The following RARA variants were observed in gnomAD, a reference collection of about 807,000 sequenced individuals.
RARA encodes retinoic acid receptor alpha.
A neutral mutation model predicts 42.8 loss-of-function variants in RARA; 5 were observed. The observed-to-expected ratio is 0.12, with a 90% CI of 0.06 to 0.25. RARA has a LOEUF of 0.25. Ranked by LOEUF, RARA falls within the 10% of genes least tolerant of loss-of-function variation. The probability of loss-of-function intolerance (pLI) is 1.00; values close to 1 mark genes in which losing one functional copy is unlikely to be tolerated. For synonymous variants in RARA, 256 were observed against 259.5 expected (o/e 0.99, Z 0.13); for missense variants, 402 against 628.7 (o/e 0.64, Z 3.86).
intron 1 of RARA, chr17:40,323,053 C>G (rs1381074595): frequency 6.6e-6 from 1 of 152,226 alleles, no homozygotes; most frequent in Non-Finnish European, 1.5e-5. Flanking sequence ...GGGGAAGGAG[C>G]TACCCCTCCC....
chr17:40,341,336 T>G (rs2143374377), intron 2 of RARA: 2 of 1,417,268 alleles, frequency 1.4e-6, no homozygotes, highest in South Asian at 1.5e-5. Flanking sequence ...CTGCCTGTGT[T>G]TGTGCCAACA....
intron 1 of RARA, among the ~76,000 whole-genome samples, chr17:40,309,686 C>A (rs944478571): frequency 6.6e-6 from 1 of 152,126 alleles, no homozygotes; most frequent in Non-Finnish European, 1.5e-5. Flanking sequence ...CTGAGCTTTC[C>A]CAAGGGATTT....
rs2033555028 is a variant in RARA at position 40,326,708 on chromosome 17, G to A, written c.-362-4149G>A. Reference sequence around the variant, plus strand: ...GGGAGGGTGCCCGTGGGCAGTGGAGGTGGCTGGCATAGGGTGGAGGTTGGA... The same window carrying A: ...GGGAGGGTGCCCGTGGGCAGTGGAGATGGCTGGCATAGGGTGGAGGTTGGA... On this transcript the variant is annotated intron_variant, in intron 1 of 8. Transcript: ENST00000254066. This position sits in a 1 kb window ranked among gnomAD's most constrained non-coding sequence, Gnocchi z 5.2. Among the ~76,000 whole-genome samples, 1 of 152,172 alleles carries A rather than the reference G, an allele frequency of 6.6e-6. No homozygotes were observed. Among genetic ancestry groups the A allele is most frequent in the Non-Finnish European group, 1.5e-5 (1 of 68,018 alleles).
At chr17:40,347,617 C>T (rs2034309404) in intron 2 of RARA, among the ~76,000 whole-genome samples, 1 of 152,216 alleles carries the variant, frequency 6.6e-6, no homozygotes, top group African/African-American at 2.4e-5. Flanking sequence ...CATGCCATCT[C>T]TCCCCAGATG....
chr17:40,338,286 A>G (rs1013356643), intron 2 of RARA, among the ~76,000 whole-genome samples: 1 of 152,186 alleles, frequency 6.6e-6, no homozygotes, highest in Non-Finnish European at 1.5e-5. Context: ...ATTTTGGGGC[A>G]GTGCCTTCTT....
chr17:40,331,069 C>T lies in RARA; in HGVS notation c.-150C>T. 1.1e-6 allele frequency: 1 copy of T among 924,688 alleles called. No individual in the cohort carries two copies. Among genetic ancestry groups the T allele is most frequent in the Non-Finnish European group, 1.6e-6 (1 of 631,790 alleles). The allele number at this position is 924,688 out of a possible 1,614,324, so 57.3% of individuals were successfully genotyped here. On this transcript the variant is annotated 5_prime_UTR_variant, in exon 2 of 9. Coordinates refer to ENST00000254066, the MANE Select transcript of RARA (RefSeq NM_000964.4). ...CAGGAGACTGAGATTAGCCTGCCCTCTTTGGACAGCAGCTCCAGGACAGGG... is the reference window on the plus strand; with the variant it reads ...CAGGAGACTGAGATTAGCCTGCCCTTTTTGGACAGCAGCTCCAGGACAGGG...
chr17:40,334,825 G>T (rs1337613985), intron 2 of RARA, among the ~76,000 whole-genome samples: 1 of 152,174 alleles, frequency 6.6e-6, no homozygotes, highest in Non-Finnish European at 1.5e-5. Context: ...ACATTAGGTG[G>T]CCTGGGTGCG....
At chr17:40,341,207 T>G in intron 2 of RARA, 1 of 710,304 alleles carries the variant, frequency 1.4e-6, no homozygotes, top group Non-Finnish European at 2.0e-6. Context: ...AGCTCTTCCT[T>G]TTATCTCTCC....
rs1401859204 is a variant in RARA at position 40,356,864 on chromosome 17, G to A, written c.*638G>A. On this transcript the variant is annotated 3_prime_UTR_variant, in exon 9 of 9. Transcript: ENST00000254066. ...ATCCAGAGCTGGAGGGGGTGGGTCCGGGGGAGGGAGTGGCTCGGAAGGGGC... is the reference window on the plus strand; with the variant it reads ...ATCCAGAGCTGGAGGGGGTGGGTCCAGGGGAGGGAGTGGCTCGGAAGGGGC... 19 of 414,158 alleles carry A rather than the reference G, an allele frequency of 4.6e-5. No homozygotes were observed. The highest frequency in any genetic ancestry group is 6.7e-5 in the Non-Finnish European group (15 of 223,414). The allele number at this position is 414,158 out of a possible 1,614,324, so 25.7% of individuals were successfully genotyped here. A position where few individuals can be genotyped will look rare whatever the true frequency, so the allele number is the denominator to read the frequency against.
At chr17:40,337,830 G>C (rs974827002) in intron 2 of RARA, among the ~76,000 whole-genome samples, 2 of 152,122 alleles carry the variant, frequency 1.3e-5, no homozygotes, top group African/African-American at 4.8e-5. Context: ...CTTCCTCGCT[G>C]TTGCAGTCTG....
Position 40,351,989 on chromosome 17 carries a change from G to A in RARA, c.549G>A (p.Glu183=), listed in dbSNP as rs2143497913. ...CTGAGAGCTACACGCTGACGCCGGA[G>A]GTGGGGGAGCTCATTGAGAAGGTGC... ...ECSESYTLTP[E]VGELIEKVRK... is the part of the protein sequence containing the mutation. The change falls in exon 5 of 9, where the codon GAG becomes GAA. Residue 183 remains glutamate (E), a synonymous_variant. Coordinates refer to ENST00000254066, the MANE Select transcript of RARA (RefSeq NM_000964.4). This position sits in a 1 kb window ranked among gnomAD's most constrained non-coding sequence, Gnocchi z 4.1. The A allele has an allele frequency of 1.2e-6, 2 of 1,604,826 alleles. No homozygotes were observed. The highest frequency in any genetic ancestry group is 1.7e-6 in the Non-Finnish European group (2 of 1,177,212).
chr17:40,351,392 TC>T lies in RARA; in HGVS notation c.470-514del, dbSNP rs1169111730. The T allele has an allele frequency of 2.3e-6, 1 of 434,356 alleles. No homozygotes were observed. Among genetic ancestry groups the T allele is most frequent in the Non-Finnish European group, 4.8e-6 (1 of 206,970 alleles). The allele number at this position is 434,356 out of a possible 1,614,324, so 26.9% of individuals were successfully genotyped here. A position where few individuals can be genotyped will look rare whatever the true frequency, so the allele number is the denominator to read the frequency against. On this transcript the variant is annotated intron_variant, in intron 4 of 8. Coordinates refer to ENST00000254066, the MANE Select transcript of RARA (RefSeq NM_000964.4). This position sits in a 1 kb window ranked among gnomAD's most constrained non-coding sequence, Gnocchi z 4.1. ...TCAGCGCCCCTGGTGATTTGTCAGC[TC>T]CCCAGCTAATGGGCCAAGAGATTCT...
intron 2 of RARA, chr17:40,341,228 A>G: frequency 1.1e-6 from 1 of 912,498 alleles, no homozygotes; most frequent in South Asian, 2.4e-5. Context: ...AGAGCTGGAC[A>G]GTGCACCAGG....
chr17:40,339,562 TCTC>T (rs1479147759), intron 2 of RARA, among the ~76,000 whole-genome samples: 4 of 152,082 alleles, frequency 2.6e-5, no homozygotes, highest in Admixed American at 2.0e-4. Flanking sequence ...TGCCCTAGCT[TCTC>T]CTCTCCAGCT....
chr17:40,341,459 A>T (rs778796629), intron 2 of RARA: 15 of 1,517,280 alleles, frequency 9.9e-6, no homozygotes, highest in Non-Finnish European at 1.3e-5. Context: ...ACAATGTCAC[A>T]CCCGGGTGCC....
rs548225262 is a variant in RARA, at chr17:40,357,343, C to T, written c.*1117C>T. 5.4e-4 allele frequency: 126 copies of T among 234,522 alleles called. No individual in the cohort carries two copies. The highest frequency in any genetic ancestry group is 9.2e-4 in the Non-Finnish European group (110 of 119,030). 14.5% of individuals were successfully genotyped at this position (234,522 alleles called of 1,614,324 possible). The stretch of plus-strand genomic sequence containing the variant: ...ACACACATGCGCGTGCGCACACACA[C>T]AAACACACACACACTGGACAGTAGA... On this transcript the variant is annotated 3_prime_UTR_variant, in exon 9 of 9. Transcript: ENST00000254066.
At chr17:40,342,916 G>A in intron 2 of RARA, 1 of 1,570,536 alleles carries the variant, frequency 6.4e-7, no homozygotes, top group Admixed American at 1.8e-5. Flanking sequence ...GGAGTGGGCG[G>A]TAGGGCTTCC....
At chr17:40,314,514 G>T (rs1164141450) in intron 1 of RARA, among the ~76,000 whole-genome samples, 1 of 148,870 alleles carries the variant, frequency 6.7e-6, no homozygotes, top group East Asian at 2.0e-4. Context: ...GGGCAGGGCA[G>T]CACAGGGGTC....
At chr17:40,342,428 T>C in intron 2 of RARA, 2 of 1,188,370 alleles carry the variant, frequency 1.7e-6, no homozygotes, top group Non-Finnish European at 2.1e-6. Context: ...GTGAAGCCGC[T>C]GAGTTCCCGG....
Sources: allele counts gnomAD v4.1 joint callset (sites outside exome capture counted in the v4.1 genomes callset), GRCh38; gene constraint gnomAD v4.1.1; non-coding constraint Gnocchi (gnomAD v3.1); transcripts MANE v1.5; gene names NCBI Gene and HGNC (gene_info 2026-07-23, HGNC 2026-07-21).